The following SLIT1 variants were observed in gnomAD, a reference collection of about 807,000 sequenced individuals.
SLIT1 encodes the protein slit guidance ligand 1, also known as slit homolog 1 protein.
SLIT1 carries 66 observed loss-of-function variants against 186.1 expected under a neutral mutation model. That is an observed-to-expected ratio of 0.35 (90% CI 0.29 to 0.44). The LOEUF is 0.44. SLIT1 is among the 20% of genes least tolerant of loss of function. SLIT1 has a pLI of 1.00. For missense variants in SLIT1, 1,638 were observed against 2,037.4 expected, an observed-to-expected ratio of 0.80 and a Z score of 3.77; for synonymous variants, 761 against 833.8, an observed-to-expected ratio of 0.91 and a Z score of 1.50.
intron 31 of SLIT1, among the ~76,000 whole-genome samples, chr10:97,009,655 A>G (rs982340688): frequency 2.6e-5 from 4 of 152,236 alleles, no homozygotes; most frequent in Non-Finnish European, 4.4e-5. Context: ...AACTAGATAT[A>G]CCCAAATTAA....
rs73320665 is a variant in SLIT1, at chr10:97,063,854, C to T, written c.630-236G>A. On this transcript the variant is annotated intron_variant, in intron 7 of 36. Transcript: ENST00000266058. ...CTGGGCACAGCTGGACCGGAATGTA[C>T]CCAGCAAAGCCCAGGTCATCGCAAT... 5.9e-3 allele frequency among the ~76,000 whole-genome samples: 895 copies of T among 152,280 alleles called. 8 individuals are homozygous for T. Among genetic ancestry groups the T allele is most frequent in the Middle Eastern group, 0.02 (6 of 294 alleles).
At chr10:97,059,610 T>TGTGACATCTAGG in intron 10 of SLIT1, 79 bp from the exon 11 acceptor site, 1 of 1,046,406 alleles carries the variant, frequency 9.6e-7, no homozygotes, top group Non-Finnish European at 1.5e-6. Flanking sequence ...CTCCACCTCC[T>TGTGACATCTAGG]AGATGTCACA....
chr10:97,181,409 T>C (rs1012868631), intron 1 of SLIT1, among the ~76,000 whole-genome samples: 2 of 152,224 alleles, frequency 1.3e-5, no homozygotes, highest in Non-Finnish European at 2.9e-5. Flanking sequence ...CTGGGCAGCC[T>C]TCCTTATGCG....
intron 31 of SLIT1, among the ~76,000 whole-genome samples, chr10:97,007,279 A>C (rs1848367118): frequency 6.6e-6 from 1 of 152,238 alleles, no homozygotes; most frequent in Non-Finnish European, 1.5e-5. Context: ...GAAAATATGA[A>C]TAGACCTATA....
rs1848704423 is a variant in SLIT1, at chr10:97,043,175, T to C, written c.1998-108A>G. 7.3e-7 allele frequency: 1 copy of C among 1,373,506 alleles called. No homozygotes were observed. Among genetic ancestry groups the C allele is most frequent in the Non-Finnish European group, 1.0e-6 (1 of 993,552 alleles). 85.1% of individuals were successfully genotyped at this position (1,373,506 alleles called of 1,614,324 possible). A position where few individuals can be genotyped will look rare whatever the true frequency, so the allele number is the denominator to read the frequency against. The stretch of plus-strand genomic sequence containing the variant: ...AGGGCCACATGGCCACATGGCACTG[T>C]CTCCCAGACCACCACCCATCACCAA... On this transcript the variant is annotated intron_variant, in intron 19 of 36. Coordinates refer to ENST00000266058, the MANE Select transcript of SLIT1 (RefSeq NM_003061.3). The surrounding 1 kb of genome is among the most constrained non-coding windows in gnomAD (Gnocchi z 7.0).
chr10:97,096,974 C>T (rs1480709413), intron 4 of SLIT1, among the ~76,000 whole-genome samples: 1 of 152,210 alleles, frequency 6.6e-6, no homozygotes, highest in Non-Finnish European at 1.5e-5. Flanking sequence ...AGCCTTCCTG[C>T]TCCTCTCTGG....
intron 4 of SLIT1, among the ~76,000 whole-genome samples, chr10:97,101,880 A>G (rs1849357856): frequency 6.6e-6 from 1 of 152,218 alleles, no homozygotes; most frequent in South Asian, 2.1e-4. Flanking sequence ...ACTGGCCTGG[A>G]CTATCATTAA....
chr10:97,103,466 T>C (rs1001827520), intron 4 of SLIT1: 52 of 152,188 alleles, frequency 3.4e-4, no homozygotes, highest in African/African-American at 1.2e-3. Context: ...ATTGGTCTCC[T>C]TAGTAACGAC....
At chr10:97,122,189 TC>T (rs1849565868) in intron 4 of SLIT1, among the ~76,000 whole-genome samples, 1 of 152,192 alleles carries the variant, frequency 6.6e-6, no homozygotes, top group Non-Finnish European at 1.5e-5. Flanking sequence ...AGATGGGGTC[TC>T]CCATGTCTTG....
In SLIT1 at chr10:96,998,110, AG is replaced by A. The variant is rs980932187; in HGVS notation, c.*3001del. 2.0e-5 allele frequency: 3 copies of A among 152,258 alleles called. No homozygotes were observed. The highest frequency in any genetic ancestry group is 7.2e-5 in the African/African-American group (3 of 41,458). The allele number at this position is 152,258 out of a possible 1,614,324, so 9.4% of individuals were successfully genotyped here. A position where few individuals can be genotyped will look rare whatever the true frequency, so the allele number is the denominator to read the frequency against. Reference sequence around the variant, plus strand: ...CGACATAGTCTAAAACAATACTTCCAGGGCAGGTGCAGCTCCCTCATGGGCC... The same window carrying A: ...CGACATAGTCTAAAACAATACTTCCAGGCAGGTGCAGCTCCCTCATGGGCC... On this transcript the variant is annotated 3_prime_UTR_variant, in exon 37 of 37. Coordinates refer to ENST00000266058, the MANE Select transcript of SLIT1 (RefSeq NM_003061.3).
chr10:97,157,107 C>G (rs1274812935), intron 4 of SLIT1, among the ~76,000 whole-genome samples: 1 of 152,166 alleles, frequency 6.6e-6, no homozygotes, highest in African/African-American at 2.4e-5. Flanking sequence ...AGTTGATTGT[C>G]TGCAGAGGTG....
chr10:97,122,339 G>C (rs945750684), intron 4 of SLIT1, among the ~76,000 whole-genome samples: 3 of 152,194 alleles, frequency 2.0e-5, no homozygotes, highest in African/African-American at 7.2e-5. Context: ...TAGATAGCAA[G>C]GGCCATGCTG....
Position 97,185,485 on chromosome 10 carries a change from C to G in SLIT1, c.190G>C (p.Glu64Gln), listed in dbSNP as rs761432735. 6.2e-6 allele frequency: 10 copies of G among 1,611,484 alleles called. No homozygotes were observed. The highest frequency in any genetic ancestry group is 8.5e-6 in the Non-Finnish European group (10 of 1,179,374). ...AIPKNIPRNT[E>Q]RLELNGNNIT... is the part of the protein sequence containing the mutation. ...GGCGGGGACCATACTCACAGGCGCTCGGTGTTCCGAGGTATATTCTTGGGA... is the reference window on the plus strand; with the variant it reads ...GGCGGGGACCATACTCACAGGCGCTGGGTGTTCCGAGGTATATTCTTGGGA... Residue 64 changes from glutamate to glutamine, a missense_variant, in exon 1 of 37, where the codon GAG becomes CAG. Transcript: ENST00000266058.
intron 4 of SLIT1, among the ~76,000 whole-genome samples, chr10:97,114,090 C>G (rs565098657): frequency 2.2e-4 from 33 of 152,246 alleles, no homozygotes; most frequent in African/African-American, 7.2e-4. Context: ...GGACAAGGGA[C>G]CTAGCAAAGG....
intron 30 of SLIT1, among the ~76,000 whole-genome samples, chr10:97,011,957 A>G (rs898799925): frequency 6.6e-6 from 1 of 152,048 alleles, no homozygotes; most frequent in Non-Finnish European, 1.5e-5. Flanking sequence ...ATCGCCTTCT[A>G]AACTCCTAAC....
At chr10:97,038,992 C>G (rs1312919902) in intron 21 of SLIT1, among the ~76,000 whole-genome samples, 1 of 152,188 alleles carries the variant, frequency 6.6e-6, no homozygotes, top group Non-Finnish European at 1.5e-5. Flanking sequence ...AAGGAGAAAG[C>G]AAGGACTCAT....
rs767111723 is a variant in SLIT1 at position 97,047,961 on chromosome 10, CCA to C, written c.1489+10_1489+11del. On this transcript the variant is annotated intron_variant, in intron 15 of 36. Transcript: ENST00000266058. Reference sequence around the variant, plus strand: ...CCCGCCAGGCTGGCCTTGGATCCCCCCACTCTCCTACCTGGAATGAAGTACTG... The same window carrying C: ...CCCGCCAGGCTGGCCTTGGATCCCCCCTCTCCTACCTGGAATGAAGTACTG... The C allele has an allele frequency of 2.5e-6, 4 of 1,614,080 alleles. No homozygotes were observed. In the South Asian group the frequency reaches 4.4e-5, roughly 18 times the overall value.
chr10:97,006,434 G>A lies in SLIT1; in HGVS notation c.3579+49C>T. On this transcript the variant is annotated intron_variant, in intron 32 of 36. Transcript: ENST00000266058. This position sits in a 1 kb window ranked among gnomAD's most constrained non-coding sequence, Gnocchi z 4.0. ...TCCTGATGCTCTGGCCTAAGCCAGG[G>A]TCGCCTGCTCCCTGACTCCCCTCTG... 2.2e-6 allele frequency: 3 copies of A among 1,348,542 alleles called. No homozygotes were observed. Among genetic ancestry groups the A allele is most frequent in the South Asian group, 1.2e-5 (1 of 83,110 alleles). 83.5% of individuals were successfully genotyped at this position (1,348,542 alleles called of 1,614,324 possible). A position where few individuals can be genotyped will look rare whatever the true frequency, so the allele number is the denominator to read the frequency against.
intron 27 of SLIT1, 52 bp from the exon 28 acceptor site, chr10:97,018,735 G>A (rs1244936302): frequency 8.2e-7 from 1 of 1,222,150 alleles, no homozygotes; most frequent in East Asian, 2.5e-5. Context: ...GAGTTAGTAT[G>A]AGCCAACAGC....
Sources: allele counts gnomAD v4.1 joint callset (sites outside exome capture counted in the v4.1 genomes callset), GRCh38; gene constraint gnomAD v4.1.1; non-coding constraint Gnocchi (gnomAD v3.1); transcripts MANE v1.5; gene names NCBI Gene and HGNC (gene_info 2026-07-23, HGNC 2026-07-21).